The following DNAH14 variants were observed in gnomAD, a reference collection of about 807,000 sequenced individuals.
DNAH14 encodes the protein dynein axonemal heavy chain 14.
Under a neutral mutation model 520.9 loss-of-function variants are expected in DNAH14, and 478 were observed. That is an observed-to-expected ratio of 0.92 (90% CI 0.85 to 0.99). The LOEUF is 0.99. DNAH14 is among the 50% of genes least tolerant of loss of function. The pLI is 0.00. For synonymous variants in DNAH14, 1,581 were observed against 1,757.2 expected (o/e 0.90, Z 2.51); for missense variants, 4,831 against 5,234.5 (o/e 0.92, Z 2.38).
chr1:225,004,058 G>A (rs1006541849), intron 9 of DNAH14, among the ~76,000 whole-genome samples: 3 of 152,054 alleles, frequency 2.0e-5, no homozygotes, highest in African/African-American at 7.2e-5. Flanking sequence ...GGCCATGTCA[G>A]CTTTAATATA....
chr1:225,039,916 T>A, intron 12 of DNAH14, among the ~76,000 whole-genome samples: 2 of 143,544 alleles, frequency 1.4e-5, no homozygotes, highest in Non-Finnish European at 1.5e-5. Flanking sequence ...CCTTGTGTAA[T>A]ATGGCCTTTA....
chr1:224,981,420 C>CT (rs1374940559), intron 8 of DNAH14, among the ~76,000 whole-genome samples: 4 of 151,068 alleles, frequency 2.6e-5, no homozygotes, highest in Non-Finnish European at 4.4e-5. Flanking sequence ...TGGTCCTGGA[C>CT]TTTTTTTTTG....
Position 224,951,970 on chromosome 1 carries a change from C to T in DNAH14, c.-33-700C>T, listed in dbSNP as rs982616792. Among the ~76,000 whole-genome samples the T allele has an allele frequency of 2.6e-5, 4 of 152,260 alleles. No homozygotes were observed. In the South Asian group the frequency reaches 8.3e-4, roughly 32 times the overall value. ...TCTATTCTAGTAAGAACTACTCTTA[C>T]CCCTGGCTTATTTCAGTCTATCTTA... On this transcript the variant is annotated intron_variant, in intron 1 of 85. Transcript: ENST00000682510.
At chr1:225,075,086 A>C (rs2072090478) in intron 17 of DNAH14, among the ~76,000 whole-genome samples, 1 of 152,196 alleles carries the variant, frequency 6.6e-6, no homozygotes, top group African/African-American at 2.4e-5. Flanking sequence ...CTACTCTGCC[A>C]AGACTCCATG....
At chr1:225,228,530 C>T (rs773092559) in intron 41 of DNAH14, among the ~76,000 whole-genome samples, 5 of 152,060 alleles carry the variant, frequency 3.3e-5, no homozygotes, top group South Asian at 2.1e-4. Flanking sequence ...CCCTAATCGC[C>T]GTAGATCTAC....
At chr1:225,165,990 T>C (rs1341940940) in intron 35 of DNAH14, among the ~76,000 whole-genome samples, 2 of 152,166 alleles carry the variant, frequency 1.3e-5, no homozygotes, top group African/African-American at 4.8e-5. Context: ...CTGATGCCCA[T>C]ATTTTGAAGA....
Position 224,958,353 on chromosome 1 carries a change from C to T in DNAH14, c.218-1800C>T, listed in dbSNP as rs142264836. ...ATGAATTTTGGGGGTTACCAATCCA[C>T]GTAGGGCCTCTTTCAAATAGCACTA... On this transcript the variant is annotated intron_variant, in intron 3 of 85. Coordinates refer to ENST00000682510, the MANE Select transcript of DNAH14 (RefSeq NM_001367479.1). Among the ~76,000 whole-genome samples the T allele has an allele frequency of 4.2e-3, 646 of 152,144 alleles. 4 individuals carry two copies. Among genetic ancestry groups the T allele is most frequent in the African/African-American group, 0.015 (608 of 41,524 alleles).
intron 17 of DNAH14, among the ~76,000 whole-genome samples, chr1:225,055,944 A>G (rs1032455175): frequency 2.0e-5 from 3 of 152,182 alleles, no homozygotes; most frequent in South Asian, 2.1e-4. Context: ...ATTGTTGGAT[A>G]TTTGGCTTAG....
rs1161766115 is a variant in DNAH14 at position 224,929,734 on chromosome 1, T to A, written c.-135T>A. ...GGCGTGGTAGGGCTGTGCTGCGCGG[T>A]CCTTCCCATTCACCCTAGTCTGGCG... On this transcript the variant is annotated 5_prime_UTR_variant, in exon 1 of 86. Transcript: ENST00000682510. 2 of 702,318 alleles carry A rather than the reference T, an allele frequency of 2.8e-6. No individual in the cohort carries two copies. Among genetic ancestry groups the A allele is most frequent in the Admixed American group, 2.0e-5 (1 of 50,014 alleles). The allele number at this position is 702,318 out of a possible 1,614,324, so 43.5% of individuals were successfully genotyped here. A position where few individuals can be genotyped will look rare whatever the true frequency, so the allele number is the denominator to read the frequency against.
chr1:225,073,819 G>A (rs909490170), intron 17 of DNAH14, among the ~76,000 whole-genome samples: 1 of 151,740 alleles, frequency 6.6e-6, no homozygotes, highest in African/African-American at 2.4e-5. Context: ...CCAAGAAGCT[G>A]GGACTACAGT....
intron 35 of DNAH14, among the ~76,000 whole-genome samples, chr1:225,167,510 T>C (rs1428948974): frequency 2.0e-5 from 3 of 152,244 alleles, no homozygotes; most frequent in Admixed American, 1.3e-4. Flanking sequence ...TAAAATATTC[T>C]TAACATTGAA....
intron 1 of DNAH14, among the ~76,000 whole-genome samples, chr1:224,939,023 C>T (rs188260640): frequency 1.6e-4 from 24 of 151,784 alleles, no homozygotes; most frequent in African/African-American, 4.6e-4. Flanking sequence ...TACCAGAGGC[C>T]GGTAAGGGGA....
At chr1:225,324,595 C>T (rs2150227227) in intron 63 of DNAH14, 142 bp from the exon 64 acceptor site, 1 of 918,624 alleles carries the variant, frequency 1.1e-6, no homozygotes, top group East Asian at 2.6e-5. Context: ...TAATAGGCAA[C>T]TTTGTACCCC....
rs117287350 is a variant in DNAH14, at chr1:224,938,616, A to G, written c.-34+8781A>G. Among the ~76,000 whole-genome samples, 1,492 of 152,304 alleles carry G rather than the reference A, an allele frequency of 9.8e-3. 39 individuals are homozygous for G. The highest frequency in any genetic ancestry group is 0.069 in the East Asian group (359 of 5,180). The stretch of plus-strand genomic sequence containing the variant: ...GGGAATGTAAGTTAGTACAACTACT[A>G]TGGAGAACAATATGGAGGTTCCTCA... On this transcript the variant is annotated intron_variant, in intron 1 of 85. Transcript: ENST00000682510.
intron 27 of DNAH14, among the ~76,000 whole-genome samples, chr1:225,127,764 G>A (rs1485799357): frequency 6.6e-6 from 1 of 152,070 alleles, no homozygotes; most frequent in African/African-American, 2.4e-5. Context: ...ATGTTAGCTG[G>A]TTATTTTGCT....
chr1:225,257,562 C>T (rs1177395167), intron 44 of DNAH14, among the ~76,000 whole-genome samples: 1 of 145,286 alleles, frequency 6.9e-6, no homozygotes, highest in Non-Finnish European at 1.5e-5. Context: ...TTTTTTGAGA[C>T]GGAGTCTCTG....
chr1:225,359,547 A>G (rs2095470131), intron 74 of DNAH14, among the ~76,000 whole-genome samples: 2 of 152,186 alleles, frequency 1.3e-5, no homozygotes, highest in African/African-American at 4.8e-5. Flanking sequence ...CAAAAATCAA[A>G]TGTGTCTTTA....
At chr1:225,125,704 A>C (rs1385623913) in intron 27 of DNAH14, among the ~76,000 whole-genome samples, 2 of 152,048 alleles carry the variant, frequency 1.3e-5, no homozygotes, top group African/African-American at 4.8e-5. Flanking sequence ...TTGCTTTCTT[A>C]CCATTAGTGT....
intron 65 of DNAH14, among the ~76,000 whole-genome samples, chr1:225,332,607 T>C (rs1019146288): frequency 3.9e-5 from 6 of 152,242 alleles, no homozygotes; most frequent in African/African-American, 1.4e-4. Context: ...GGCAGATAAG[T>C]AAAGATTCAG....
Sources: allele counts gnomAD v4.1 joint callset (sites outside exome capture counted in the v4.1 genomes callset), GRCh38; gene constraint gnomAD v4.1.1; transcripts MANE v1.5; gene names NCBI Gene and HGNC (gene_info 2026-07-23, HGNC 2026-07-21).